Variants in ZNF385B observed in about 807,000 individuals in gnomAD.
ZNF385B encodes the protein zinc finger protein 533.
ZNF385B carries 23 observed loss-of-function variants against 39.2 expected under a neutral mutation model. That is an observed-to-expected ratio of 0.59 (90% CI 0.42 to 0.83). The LOEUF (loss-of-function observed/expected upper bound fraction) is 0.83. Among genes scored for constraint, ZNF385B ranks in the 40% least tolerant of loss-of-function variants. The pLI, the probability that ZNF385B is intolerant of heterozygous loss-of-function variation, is 0.00. For synonymous variants in ZNF385B, 205 were observed against 222.6 expected (o/e 0.92, Z 0.70); for missense variants, 552 against 598.9 (o/e 0.92, Z 0.82).
At chr2:179,453,482 G>A (rs1243823606) in intron 6 of ZNF385B, among the ~76,000 whole-genome samples, 1 of 152,092 alleles carries the variant, frequency 6.6e-6, no homozygotes, top group Non-Finnish European at 1.5e-5. Flanking sequence ...TGGTCTGGTT[G>A]GGAGCTTCTG....
At chr2:179,492,381 A>G (rs2055333985) in intron 5 of ZNF385B, among the ~76,000 whole-genome samples, 1 of 152,180 alleles carries the variant, frequency 6.6e-6, no homozygotes, top group Admixed American at 6.5e-5. Flanking sequence ...AACTGATTCA[A>G]GTCTTCTGAT....
chr2:179,705,488 T>C (rs1267757811), intron 3 of ZNF385B, among the ~76,000 whole-genome samples: 2 of 152,192 alleles, frequency 1.3e-5, no homozygotes, highest in Non-Finnish European at 2.9e-5. Flanking sequence ...CATTTCATAC[T>C]CTCAGGTCCT....
intron 3 of ZNF385B, among the ~76,000 whole-genome samples, chr2:179,666,175 A>C (rs901320489): frequency 8.5e-5 from 13 of 152,346 alleles, no homozygotes; most frequent in African/African-American, 3.1e-4. Context: ...AAATCTAAAA[A>C]AAATTTCATT....
intron 3 of ZNF385B, among the ~76,000 whole-genome samples, chr2:179,565,416 T>C (rs957826827): frequency 2.0e-5 from 3 of 152,216 alleles, no homozygotes; most frequent in Admixed American, 1.3e-4. Context: ...TGGTGAGCAT[T>C]ATTATTACCA....
chr2:179,684,066 C>T (rs1048972985), intron 3 of ZNF385B, among the ~76,000 whole-genome samples: 26 of 151,954 alleles, frequency 1.7e-4, no homozygotes, highest in Admixed American at 9.2e-4. Flanking sequence ...ACCTTGGAGC[C>T]GTCTAATAAT....
chr2:179,793,312 C>T (rs1054007119), intron 1 of ZNF385B, among the ~76,000 whole-genome samples: 1 of 152,196 alleles, frequency 6.6e-6, no homozygotes, highest in Non-Finnish European at 1.5e-5. Context: ...CACTACCACT[C>T]AGCAAGGTCA....
At chr2:179,548,050 T>C (rs1364158791) in intron 3 of ZNF385B, among the ~76,000 whole-genome samples, 1 of 149,842 alleles carries the variant, frequency 6.7e-6, no homozygotes, top group African/African-American at 2.5e-5. Flanking sequence ...ATAGAAATGC[T>C]ACTGATTTTT....
intron 3 of ZNF385B, among the ~76,000 whole-genome samples, chr2:179,713,459 A>G (rs1700133286): frequency 1.3e-5 from 2 of 152,128 alleles, no homozygotes; most frequent in South Asian, 2.1e-4. Context: ...CTTCAATCTC[A>G]GCTAATTTCC....
At chr2:179,456,659 T>C (rs1487648892) in intron 6 of ZNF385B, among the ~76,000 whole-genome samples, 1 of 152,168 alleles carries the variant, frequency 6.6e-6, no homozygotes, top group Non-Finnish European at 1.5e-5. Flanking sequence ...GAAATCAGTA[T>C]TGCAGTCATT....
chr2:179,784,691 G>C (rs1704883459), intron 1 of ZNF385B, among the ~76,000 whole-genome samples: 1 of 151,998 alleles, frequency 6.6e-6, no homozygotes, highest in South Asian at 2.1e-4. Context: ...CATGTGAAAA[G>C]GCACTCCACC....
chr2:179,640,291 A>G (rs1692148428), intron 3 of ZNF385B, among the ~76,000 whole-genome samples: 1 of 152,148 alleles, frequency 6.6e-6, no homozygotes, highest in South Asian at 2.1e-4. Flanking sequence ...TACTTTATCA[A>G]TATTCCCAGG....
chr2:179,595,216 C>A (rs1687900371), intron 3 of ZNF385B, among the ~76,000 whole-genome samples: 1 of 152,084 alleles, frequency 6.6e-6, no homozygotes, highest in Non-Finnish European at 1.5e-5. Flanking sequence ...GGTATCTGAT[C>A]TTTTTATTAC....
chr2:179,632,729 CA>C (rs1162694598), intron 3 of ZNF385B, among the ~76,000 whole-genome samples: 1 of 151,860 alleles, frequency 6.6e-6, no homozygotes, highest in Non-Finnish European at 1.5e-5. Flanking sequence ...GATGGAGACA[CA>C]AAAAAACCCT....
intron 3 of ZNF385B, among the ~76,000 whole-genome samples, chr2:179,624,142 C>T (rs1249397093): frequency 6.6e-6 from 1 of 152,122 alleles, no homozygotes; most frequent in African/African-American, 2.4e-5. Context: ...TTAGCAGTAA[C>T]ATTTATCAGG....
At chr2:179,857,552 A>G (rs1463324689) in intron 1 of ZNF385B, among the ~76,000 whole-genome samples, 1 of 152,184 alleles carries the variant, frequency 6.6e-6, no homozygotes, top group Non-Finnish European at 1.5e-5. Context: ...GCAACGACAC[A>G]GAGCTCAGAG....
intron 4 of ZNF385B, 88 bp from the exon 5 acceptor site, chr2:179,518,726 A>T (rs1322669363): frequency 1.3e-6 from 1 of 755,106 alleles, no homozygotes; most frequent in Non-Finnish European, 2.1e-6. Context: ...AATATTCCAT[A>T]AAGTTTAAAC....
chr2:179,746,845 G>C (rs1210317869), intron 3 of ZNF385B, among the ~76,000 whole-genome samples: 1 of 152,078 alleles, frequency 6.6e-6, no homozygotes, highest in East Asian at 1.9e-4. Flanking sequence ...CCAGAAAGCA[G>C]TAGCAGTGCT....
chr2:179,559,778 G>C (rs567102031), intron 3 of ZNF385B, among the ~76,000 whole-genome samples: 1 of 152,008 alleles, frequency 6.6e-6, no homozygotes, highest in South Asian at 2.1e-4. Flanking sequence ...TGTGGTAAGA[G>C]TACCTAAAAT....
At chr2:179,607,907 T>A in intron 3 of ZNF385B, among the ~76,000 whole-genome samples, 1 of 108,978 alleles carries the variant, frequency 9.2e-6, no homozygotes. Context: ...TCTCAGAAAC[T>A]CTTTTTTTTT....
Sources: gnomAD v4.1 joint callset for allele counts (sites outside exome capture counted in the v4.1 genomes callset) on GRCh38, gnomAD v4.1.1 for gene constraint, MANE v1.5 for transcripts, NCBI Gene and HGNC (gene_info 2026-07-23, HGNC 2026-07-21) for gene names.